Variants in PRLH observed in about 807,000 individuals in gnomAD.
PRLH encodes prolactin releasing hormone.
A neutral mutation model predicts 3.2 loss-of-function variants in PRLH; 6 were observed. That is an observed-to-expected ratio of 1.86 (90% CI 1.02 to 3.66). The LOEUF (loss-of-function observed/expected upper bound fraction) is 3.66, where lower values mean the gene tolerates loss of function less well. Among genes scored for constraint, PRLH ranks in the 30% most tolerant of loss-of-function variants. The pLI is 0.00. For missense variants in PRLH, 145 were observed against 122.6 expected (o/e 1.18, Z -0.86); for synonymous variants, 65 against 51.1 (o/e 1.27, Z -1.16).
At chr2:237,566,931 C>T (rs561128984) in intron 1 of PRLH, 81 bp from the exon 2 acceptor site, 1 of 1,571,860 alleles carries the variant, frequency 6.4e-7, no homozygotes, top group Admixed American at 1.7e-5. Flanking sequence ...CCTGCCTGTG[C>T]ACTCTGCCCC....
In PRLH at chr2:237,566,902, G is replaced by A. The variant is rs575529299; in HGVS notation, c.101-110G>A. On this transcript the variant is annotated intron_variant, in intron 1 of 1. Coordinates refer to ENST00000165524, the MANE Select transcript of PRLH (RefSeq NM_015893.1). The stretch of plus-strand genomic sequence containing the variant: ...CCTCGGGTGGCTCCCAGCATGGCCT[G>A]GCGACTGGGCTGAGAGGCCCTGCCT... The A allele has an allele frequency of 3.9e-3, 5,858 of 1,489,884 alleles. 42 individuals carry two copies. The highest frequency in any genetic ancestry group is 4.1e-3 in the Non-Finnish European group (4,436 of 1,086,086). The allele number at this position is 1,489,884 out of a possible 1,614,324, so 92.3% of individuals were successfully genotyped here. A position where few individuals can be genotyped will look rare whatever the true frequency, so the allele number is the denominator to read the frequency against.
Position 237,566,602 on chromosome 2 carries a change from G to T in PRLH, c.29G>T (p.Cys10Phe). 6.3e-7 allele frequency: 1 copy of T among 1,580,152 alleles called. No homozygotes were observed. The highest frequency in any genetic ancestry group is 8.6e-7 in the Non-Finnish European group (1 of 1,164,546). Residue 10 changes from cysteine to phenylalanine, a missense_variant, in exon 1 of 2, where the codon TGC (cysteine) becomes TTC (phenylalanine). Cys to Phe is a radical substitution (Grantham distance 205). Transcript: ENST00000165524. ...AAGGTGCTGAGGGCCTGGCTCCTGT[G>T]CCTGCTGATGCTGGGCCTGGCCCTG... MKVLRAWLL[C>F]LLMLGLALRG... is the part of the protein sequence containing the mutation.
Position 237,567,038 on chromosome 2 carries a change from G to T in PRLH, c.127G>T (p.Ala43Ser), listed in dbSNP as rs112622920. 13 of 1,613,918 alleles carry T rather than the reference G, an allele frequency of 8.1e-6. No homozygotes were observed. The highest frequency in any genetic ancestry group is 1.0e-5 in the Non-Finnish European group (12 of 1,179,984). ...CCCTGACATCAATCCTGCCTGGTAC[G>T]CCAGTCGCGGGATCAGGCCTGTGGG... Reference protein sequence around the residue: ...RTPDINPAWYASRGIRPVGRF... With the variant: ...RTPDINPAWYSSRGIRPVGRF... Residue 43 changes from alanine to serine, a missense_variant, in exon 2 of 2, where the codon GCC (alanine) becomes TCC (serine). Coordinates refer to ENST00000165524, the MANE Select transcript of PRLH (RefSeq NM_015893.1).
At position 237,567,045 on chromosome 2, in the gene PRLH, G is replaced by A. The variant is rs376015494; in HGVS notation, c.134G>A (p.Arg45His). Residue 45 changes from arginine (R) to histidine (H), a missense_variant, in exon 2 of 2, where the codon CGC becomes CAC. By Grantham distance (29) the Arg-to-His change is conservative (BLOSUM62 0). Coordinates refer to ENST00000165524, the MANE Select transcript of PRLH (RefSeq NM_015893.1). ...PDINPAWYAS[R>H]GIRPVGRFGR... Reference sequence around the variant, plus strand: ...ATCAATCCTGCCTGGTACGCCAGTCGCGGGATCAGGCCTGTGGGCCGCTTC... The same window carrying A: ...ATCAATCCTGCCTGGTACGCCAGTCACGGGATCAGGCCTGTGGGCCGCTTC... The A allele has an allele frequency of 7.4e-6, 12 of 1,613,934 alleles. No individual in the cohort carries two copies. Among genetic ancestry groups the A allele is most frequent in the African/African-American group, 4.0e-5 (3 of 74,926 alleles).
At chr2:237,566,942 G>A (rs932166146) in intron 1 of PRLH, 70 bp from the exon 2 acceptor site, 37 of 1,591,802 alleles carry the variant, frequency 2.3e-5, no homozygotes, top group South Asian at 3.3e-5. Flanking sequence ...ACTCTGCCCC[G>A]CTGCCTCTGG....
Sources: allele counts gnomAD v4.1 joint callset, GRCh38; gene constraint gnomAD v4.1.1; transcripts MANE v1.5; gene names NCBI Gene and HGNC (gene_info 2026-07-23, HGNC 2026-07-21).